The following STK39 variants were observed in gnomAD, a reference collection of about 807,000 sequenced individuals.
STK39 encodes serine/threonine kinase 39.
STK39 carries 20 observed loss-of-function variants against 77.8 expected under a neutral mutation model. The ratio of observed to expected loss-of-function variants is 0.26; its 90% confidence interval spans 0.18 to 0.37. STK39 has a LOEUF of 0.37. Among genes scored for constraint, STK39 ranks in the 10% least tolerant of loss-of-function variants. The pLI is 1.00. For missense variants in STK39, 479 were observed against 656.5 expected, an observed-to-expected ratio of 0.73 and a Z score of 2.95; for synonymous variants, 246 against 234.1, an observed-to-expected ratio of 1.05 and a Z score of -0.47.
At chr2:168,171,493 AT>A (rs11305638) in intron 2 of STK39, among the ~76,000 whole-genome samples, 60,424 of 142,812 alleles carry the variant, frequency 0.42, 14,537 homozygotes, top group East Asian at 0.76. Context: ...AAAAAACTTA[AT>A]TTTTTTTTTT....
chr2:168,203,688 G>C (rs561248927), intron 1 of STK39, among the ~76,000 whole-genome samples: 13 of 152,198 alleles, frequency 8.5e-5, no homozygotes, highest in Admixed American at 8.5e-4. Context: ...CGCCTCCTGG[G>C]TTCAAGCAAT....
intron 16 of STK39, among the ~76,000 whole-genome samples, chr2:168,001,493 G>A (rs1684000005): frequency 1.4e-5 from 2 of 144,678 alleles, no homozygotes; most frequent in East Asian, 2.0e-4. Context: ...GGCTTTCTTA[G>A]GATTGGCAAG....
chr2:168,241,211 A>C (rs1170963794), intron 1 of STK39, among the ~76,000 whole-genome samples: 1 of 152,194 alleles, frequency 6.6e-6, no homozygotes, highest in East Asian at 1.9e-4. Flanking sequence ...CAAAGAGGGA[A>C]AGAAGGAGAC....
intron 1 of STK39, among the ~76,000 whole-genome samples, chr2:168,197,750 T>C (rs116490957): frequency 0.01 from 1,589 of 152,258 alleles, 15 homozygotes; most frequent in Non-Finnish European, 0.014. Flanking sequence ...AATTAAACCA[T>C]ACTGGCCGGG....
intron 8 of STK39, among the ~76,000 whole-genome samples, chr2:168,131,072 G>A (rs1687684970): frequency 6.6e-6 from 1 of 152,162 alleles, no homozygotes; most frequent in African/African-American, 2.4e-5. Flanking sequence ...CATTTTCTTA[G>A]GTGTGGAAAA....
At chr2:168,053,346 T>C (rs966696274) in intron 14 of STK39, among the ~76,000 whole-genome samples, 3 of 152,110 alleles carry the variant, frequency 2.0e-5, no homozygotes, top group African/African-American at 7.2e-5. Flanking sequence ...CAACATATGT[T>C]GTTTTATAAT....
At chr2:168,048,026 A>ATT (rs995764713) in intron 14 of STK39, among the ~76,000 whole-genome samples, 1 of 152,138 alleles carries the variant, frequency 6.6e-6, no homozygotes, top group Non-Finnish European at 1.5e-5. Context: ...TTTTCTGAAA[A>ATT]TTTTTTAAAA....
chr2:168,003,650 T>C (rs1684054867), intron 16 of STK39, among the ~76,000 whole-genome samples: 1 of 152,132 alleles, frequency 6.6e-6, no homozygotes, highest in Non-Finnish European at 1.5e-5. Flanking sequence ...CCAAAGTACT[T>C]ATAGTCCTAA....
At chr2:168,235,775 G>C (rs1690588631) in intron 1 of STK39, among the ~76,000 whole-genome samples, 1 of 151,924 alleles carries the variant, frequency 6.6e-6, no homozygotes, top group Admixed American at 6.6e-5. Flanking sequence ...CCCTACAAAG[G>C]ACATGAACTC....
intron 16 of STK39, among the ~76,000 whole-genome samples, chr2:168,007,889 G>A (rs1434755753): frequency 1.3e-5 from 2 of 152,090 alleles, no homozygotes; most frequent in Admixed American, 6.6e-5. Context: ...TTAAAAAATC[G>A]AACTAAAAGT....
Position 168,029,706 on chromosome 2 carries a change from T to C in STK39, c.1377-12611A>G, listed in dbSNP as rs374157872. On this transcript the variant is annotated intron_variant, in intron 14 of 17. Coordinates refer to ENST00000355999, the MANE Select transcript of STK39 (RefSeq NM_013233.3). Reference sequence around the variant, plus strand: ...AAAGGGCGATTTCATGACTGCTTTCTCCGACGGGTATTTGAAGGGGTCTGA... The same window carrying C: ...AAAGGGCGATTTCATGACTGCTTTCCCCGACGGGTATTTGAAGGGGTCTGA... Among the ~76,000 whole-genome samples, 9 of 152,288 alleles carry C rather than the reference T, an allele frequency of 5.9e-5. No individual in the cohort carries two copies. The South Asian group carries it at 1.9e-3, about 32-fold the overall frequency.
intron 10 of STK39, among the ~76,000 whole-genome samples, chr2:168,108,570 A>AG (rs773718601): frequency 0.014 from 2,120 of 150,244 alleles, 27 homozygotes; most frequent in Middle Eastern, 0.058. Context: ...AGAAAAGAAA[A>AG]TAAAAAAAAA....
intron 14 of STK39, among the ~76,000 whole-genome samples, chr2:168,020,682 T>C (rs1227161098): frequency 6.6e-6 from 1 of 151,064 alleles, no homozygotes; most frequent in Admixed American, 6.6e-5. Flanking sequence ...TTATATATCA[T>C]ATATAATCTC....
intron 14 of STK39, among the ~76,000 whole-genome samples, chr2:168,044,946 A>G (rs960670281): frequency 9.2e-5 from 14 of 152,218 alleles, no homozygotes; most frequent in Non-Finnish European, 4.4e-5. Flanking sequence ...ATGAGTAACT[A>G]TACTGAAGAG....
intron 14 of STK39, among the ~76,000 whole-genome samples, chr2:168,039,725 A>G (rs1030035290): frequency 2.0e-5 from 3 of 152,136 alleles, no homozygotes; most frequent in African/African-American, 7.2e-5. Context: ...TGTCTTGATG[A>G]CTGTGATAGC....
chr2:168,048,600 C>T (rs1004063968), intron 14 of STK39, among the ~76,000 whole-genome samples: 1 of 152,126 alleles, frequency 6.6e-6, no homozygotes, highest in Non-Finnish European at 1.5e-5. Flanking sequence ...TCTAAGAGGT[C>T]ATCTGCAGGC....
chr2:168,065,597 CAG>C (rs1280332637), intron 12 of STK39, among the ~76,000 whole-genome samples: 3 of 152,168 alleles, frequency 2.0e-5, no homozygotes, highest in South Asian at 2.1e-4. Context: ...CAGAATTCCA[CAG>C]AGATGGAAGA....
chr2:167,977,966 G>C (rs1308807544), intron 16 of STK39, among the ~76,000 whole-genome samples: 1 of 152,200 alleles, frequency 6.6e-6, no homozygotes, highest in Non-Finnish European at 1.5e-5. Context: ...GGGGAGTGCT[G>C]ACTGGTTGGT....
chr2:168,142,014 A>G (rs1351880994), intron 5 of STK39, among the ~76,000 whole-genome samples: 1 of 152,248 alleles, frequency 6.6e-6, no homozygotes, highest in Non-Finnish European at 1.5e-5. Flanking sequence ...ATGAAAATTG[A>G]CAAATGGAGT....
Sources: allele counts gnomAD v4.1 joint callset (sites outside exome capture counted in the v4.1 genomes callset), GRCh38; gene constraint gnomAD v4.1.1; transcripts MANE v1.5; gene names NCBI Gene and HGNC (gene_info 2026-07-23, HGNC 2026-07-21).